The following PLCL1 variants were observed in gnomAD, a reference collection of about 807,000 sequenced individuals.
PLCL1 encodes the protein inactive phospholipase C-like protein 1.
Under a neutral mutation model 84.4 loss-of-function variants are expected in PLCL1, and 41 were observed. The observed-to-expected ratio is 0.49, with a 90% CI of 0.38 to 0.63. The LOEUF (loss-of-function observed/expected upper bound fraction) is 0.63. Ranked by LOEUF, PLCL1 falls within the 30% of genes least tolerant of loss-of-function variation. The pLI is 0.00. For synonymous variants in PLCL1, 490 were observed against 488.3 expected (o/e 1.00, Z -0.05); for missense variants, 1,206 against 1,367.8 (o/e 0.88, Z 1.87).
intron 5 of PLCL1, among the ~76,000 whole-genome samples, chr2:198,124,418 G>A (rs1260137237): frequency 6.6e-6 from 1 of 151,922 alleles, no homozygotes; most frequent in African/African-American, 2.4e-5. Context: ...TGTTAAAATG[G>A]GCCTGCATAA....
chr2:198,127,424 T>G (rs1442396935), intron 5 of PLCL1, among the ~76,000 whole-genome samples: 2 of 152,158 alleles, frequency 1.3e-5, no homozygotes, highest in Non-Finnish European at 2.9e-5. Flanking sequence ...TTTAACATAT[T>G]TTTTAAATTA....
chr2:197,897,184 T>C (rs1373459391), intron 1 of PLCL1, among the ~76,000 whole-genome samples: 5 of 29,288 alleles, frequency 1.7e-4, no homozygotes, highest in Non-Finnish European at 2.6e-4. Context: ...CTTCTTCTTC[T>C]TCTTCTCCTT....
chr2:197,935,080 G>T (rs767806391), intron 1 of PLCL1, among the ~76,000 whole-genome samples: 1 of 152,054 alleles, frequency 6.6e-6, no homozygotes, highest in Non-Finnish European at 1.5e-5. Context: ...AAACCACAAC[G>T]AGATACCATC....
At chr2:197,849,224 G>A (rs1043930364) in intron 1 of PLCL1, among the ~76,000 whole-genome samples, 2 of 152,130 alleles carry the variant, frequency 1.3e-5, no homozygotes, top group Non-Finnish European at 2.9e-5. Flanking sequence ...TCTGTCATAT[G>A]TGTAATTGAA....
chr2:198,108,031 G>A (rs1371659), intron 5 of PLCL1, among the ~76,000 whole-genome samples: 3,146 of 151,922 alleles, frequency 0.021, 114 homozygotes, highest in African/African-American at 0.072. Flanking sequence ...TATTCCAGTG[G>A]TGCTGCTCTA....
At chr2:197,974,552 A>G (rs971480064) in intron 1 of PLCL1, among the ~76,000 whole-genome samples, 1 of 152,254 alleles carries the variant, frequency 6.6e-6, no homozygotes, top group African/African-American at 2.4e-5. Context: ...AGTACTGATG[A>G]TAGGCTCATT....
intron 1 of PLCL1, among the ~76,000 whole-genome samples, chr2:198,032,027 T>C (rs1691440505): frequency 6.6e-6 from 1 of 152,180 alleles, no homozygotes; most frequent in South Asian, 2.1e-4. Context: ...GAAGTAAAGC[T>C]TATTTCTGCA....
At chr2:197,989,408 C>T (rs1430477215) in intron 1 of PLCL1, among the ~76,000 whole-genome samples, 1 of 151,968 alleles carries the variant, frequency 6.6e-6, no homozygotes, top group Non-Finnish European at 1.5e-5. Context: ...GGATGAGGAC[C>T]AGGAATTTGA....
At chr2:198,020,329 A>G (rs1364710376) in intron 1 of PLCL1, among the ~76,000 whole-genome samples, 2 of 152,306 alleles carry the variant, frequency 1.3e-5, no homozygotes, top group African/African-American at 4.8e-5. Context: ...AACTACATCA[A>G]CTAATCGGAA....
chr2:198,092,193 T>C (rs752836415), intron 3 of PLCL1, among the ~76,000 whole-genome samples: 1 of 151,732 alleles, frequency 6.6e-6, no homozygotes, highest in African/African-American at 2.4e-5. Flanking sequence ...CTCACCAGCT[T>C]GTCCCAGTCT....
At chr2:197,907,112 CTT>C (rs55917642) in intron 1 of PLCL1, among the ~76,000 whole-genome samples, 76,885 of 151,852 alleles carry the variant, frequency 0.51, 20,192 homozygotes, top group African/African-American at 0.63. Context: ...GAAGGATTCC[CTT>C]TGAAAATCAG....
At chr2:198,123,113 A>C (rs1693907604) in intron 5 of PLCL1, among the ~76,000 whole-genome samples, 1 of 152,086 alleles carries the variant, frequency 6.6e-6, no homozygotes, top group Admixed American at 6.6e-5. Flanking sequence ...ACTTCATAAT[A>C]ACAATTAAAC....
At chr2:198,104,076 G>T in intron 5 of PLCL1, 140 bp downstream of exon 5, 1 of 480,164 alleles carries the variant, frequency 2.1e-6, no homozygotes, top group Non-Finnish European at 3.7e-6. Flanking sequence ...ACATGTGCAG[G>T]TTTGTTATAT....
rs61183744 is a variant in PLCL1, at chr2:197,886,411, C to CA, written c.240+81113dup. 2.5e-3 allele frequency among the ~76,000 whole-genome samples: 193 copies of CA among 77,000 alleles called. 29 individuals are homozygous for CA. The highest frequency in any genetic ancestry group is 6.0e-3 in the East Asian group (8 of 1,342). 50.5% of individuals were successfully genotyped at this position (77,000 alleles called of 152,430 possible). ...TGGGCAACAGAATGAGACTCTGTCT[C>CA]AAAAAAAAAAAAAAAAAAAAAAAAA... On this transcript the variant is annotated intron_variant, in intron 1 of 5. Coordinates refer to ENST00000428675, the MANE Select transcript of PLCL1 (RefSeq NM_006226.4).
At chr2:198,135,836 T>C (rs900402097) in intron 5 of PLCL1, among the ~76,000 whole-genome samples, 1 of 152,244 alleles carries the variant, frequency 6.6e-6, no homozygotes, top group Non-Finnish European at 1.5e-5. Context: ...CTTTCTCTGC[T>C]GGCTTAAATG....
Position 197,805,000 on chromosome 2 carries a change from C to G in PLCL1, c.-100C>G. The G allele has an allele frequency of 7.5e-7, 1 of 1,325,324 alleles. No homozygotes were observed. Among genetic ancestry groups the G allele is most frequent in the Non-Finnish European group, 9.8e-7 (1 of 1,019,464 alleles). The allele number at this position is 1,325,324 out of a possible 1,614,324, so 82.1% of individuals were successfully genotyped here. A position where few individuals can be genotyped will look rare whatever the true frequency, so the allele number is the denominator to read the frequency against. ...CGCTGGGCGGTGAAACAAAGTCTGG[C>G]GGGGCCGCCTCCCGGTGCAGGAGCG... On this transcript the variant is annotated 5_prime_UTR_variant, in exon 1 of 6. Coordinates refer to ENST00000428675, the MANE Select transcript of PLCL1 (RefSeq NM_006226.4).
chr2:198,055,624 C>T (rs1200950374), intron 1 of PLCL1, among the ~76,000 whole-genome samples: 1 of 150,430 alleles, frequency 6.6e-6, no homozygotes, highest in African/African-American at 2.4e-5. Flanking sequence ...GCATGGTTCT[C>T]CTTGGAATGA....
chr2:197,922,049 G>T (rs1574949621), intron 1 of PLCL1, among the ~76,000 whole-genome samples: 1 of 117,940 alleles, frequency 8.5e-6, no homozygotes, highest in African/African-American at 3.2e-5. Flanking sequence ...ATTCTTGGGT[G>T]TTTCTCACAG....
At chr2:197,936,462 A>G (rs549333709) in intron 1 of PLCL1, among the ~76,000 whole-genome samples, 4 of 152,016 alleles carry the variant, frequency 2.6e-5, no homozygotes, top group Non-Finnish European at 5.9e-5. Context: ...GCATGAGGTA[A>G]TATCTTATTT....
Sources: gnomAD v4.1 joint callset for allele counts (sites outside exome capture counted in the v4.1 genomes callset) on GRCh38, gnomAD v4.1.1 for gene constraint, MANE v1.5 for transcripts, NCBI Gene and HGNC (gene_info 2026-07-23, HGNC 2026-07-21) for gene names.